The following CGGBP1 variants were observed in gnomAD, a reference collection of about 807,000 sequenced individuals.
CGGBP1 encodes CGG triplet repeat-binding protein 1.
CGGBP1 carries 4 observed loss-of-function variants against 11.4 expected under a neutral mutation model. That is an observed-to-expected ratio of 0.35 (90% CI 0.17 to 0.80). The LOEUF (loss-of-function observed/expected upper bound fraction) is 0.80, where lower values mean the gene tolerates loss of function less well. CGGBP1 is among the 30% of genes least tolerant of loss of function. CGGBP1 has a pLI of 0.52. For missense variants in CGGBP1, 135 were observed against 202.1 expected, an observed-to-expected ratio of 0.67 and a Z score of 2.01; for synonymous variants, 76 against 74.1, an observed-to-expected ratio of 1.03 and a Z score of -0.13.
chr3:88,057,684 G>GT (rs1706591319), intron 2 of CGGBP1: 1 of 152,114 alleles, frequency 6.6e-6, no homozygotes, highest in East Asian at 1.9e-4. Context: ...AAAAAGTCTT[G>GT]TATCTTTAAA....
chr3:88,059,632 C>T (rs1177691017), upstream of CGGBP1: 1 of 1,350,674 alleles, frequency 7.4e-7, no homozygotes, highest in Non-Finnish European at 9.6e-7. Flanking sequence ...GAGGGTGAGG[C>T]TGAAGCTCCC....
In CGGBP1 at chr3:88,118,891, G is replaced by A. The variant is rs563541876; in HGVS notation, c.-229+22079C>T. Among the ~76,000 whole-genome samples the A allele has an allele frequency of 1.3e-4, 20 of 151,562 alleles. 1 individual carries two copies. Among genetic ancestry groups the A allele is most frequent in the African/African-American group, 4.8e-4 (20 of 41,286 alleles). On this transcript the variant is annotated intron_variant, in intron 2 of 3. Transcript: ENST00000462901. The stretch of plus-strand genomic sequence containing the variant: ...ATTAAAAAGTCAGGAAACAACAGGT[G>A]CTGGAGAGGATGTGGAGAAATAGGA...
chr3:88,097,590 C>T (rs1430362241), intron 2 of CGGBP1, among the ~76,000 whole-genome samples: 3 of 152,184 alleles, frequency 2.0e-5, no homozygotes, highest in Non-Finnish European at 2.9e-5. Context: ...AAGTAAAACA[C>T]TCCTCAGCAA....
At chr3:88,141,682 A>G (rs1310948979) in intron 1 of CGGBP1, 12 of 1,485,638 alleles carry the variant, frequency 8.1e-6, no homozygotes, top group Non-Finnish European at 1.1e-5. Flanking sequence ...TCTGTCAATC[A>G]AGCAGTAGTG....
intron 2 of CGGBP1, among the ~76,000 whole-genome samples, chr3:88,096,446 A>G (rs1436600034): frequency 1.3e-5 from 2 of 152,086 alleles, no homozygotes; most frequent in African/African-American, 4.8e-5. Context: ...AAAGACCCTC[A>G]TTTCTCCTTC....
chr3:88,063,195 A>C (rs1484672751), upstream of CGGBP1, among the ~76,000 whole-genome samples: 1 of 152,214 alleles, frequency 6.6e-6, no homozygotes, highest in Admixed American at 6.5e-5. Context: ...TGCAGTGCAC[A>C]GGATGGCTCT....
At chr3:88,109,004 G>A (rs187120177) in intron 2 of CGGBP1, among the ~76,000 whole-genome samples, 2 of 152,066 alleles carry the variant, frequency 1.3e-5, no homozygotes, top group Admixed American at 6.6e-5. Flanking sequence ...TGGAAAAGGC[G>A]TTACATTTGT....
intron 2 of CGGBP1, among the ~76,000 whole-genome samples, chr3:88,130,617 ATTT>A (rs10674029): frequency 7.7e-6 from 1 of 129,204 alleles, no homozygotes. Context: ...TGCCCAGCTA[ATTT>A]TTTTTTTTTT....
intron 2 of CGGBP1, among the ~76,000 whole-genome samples, chr3:88,091,549 T>C (rs530253103): frequency 6.6e-6 from 1 of 152,308 alleles, no homozygotes; most frequent in African/African-American, 2.4e-5. Flanking sequence ...GTTTAAAATG[T>C]CATTTATTGA....
At chr3:88,139,415 A>G (rs1214126589) in intron 2 of CGGBP1, 4 of 1,613,764 alleles carry the variant, frequency 2.5e-6, no homozygotes, top group East Asian at 4.5e-5. Context: ...GGAAATTTAG[A>G]AACAGAGGAC....
intron 2 of CGGBP1, among the ~76,000 whole-genome samples, chr3:88,132,525 A>C (rs1338892173): frequency 3.3e-5 from 5 of 152,158 alleles, no homozygotes; most frequent in Admixed American, 2.6e-4. Flanking sequence ...TTCAGAATCC[A>C]CTGTACAACT....
chr3:88,079,471 A>T (rs1380773599), intron 2 of CGGBP1, among the ~76,000 whole-genome samples: 1 of 152,108 alleles, frequency 6.6e-6, no homozygotes, highest in Non-Finnish European at 1.5e-5. Context: ...TTCAAACTGG[A>T]ACTGATAGAT....
At chr3:88,101,728 T>A (rs1704437612) in intron 2 of CGGBP1, among the ~76,000 whole-genome samples, 1 of 152,174 alleles carries the variant, frequency 6.6e-6, no homozygotes, top group South Asian at 2.1e-4. Flanking sequence ...AGTTTATGTT[T>A]AGCGTTTTGT....
At chr3:88,140,010 G>A in intron 2 of CGGBP1, 5 of 1,613,820 alleles carry the variant, frequency 3.1e-6, no homozygotes, top group Non-Finnish European at 4.2e-6. Flanking sequence ...GCGACAAACA[G>A]TAATGAAGTG....
Position 88,064,327 on chromosome 3 carries a change from T to C in CGGBP1, c.-228-6104A>G, listed in dbSNP as rs191535445. ...AGGGACTATCTTACTGTCTCACTAT[T>C]GATCTCACTATTGAGCATGTTCACT... On this transcript the variant is annotated intron_variant, in intron 2 of 3. Transcript: ENST00000462901. 2.8e-3 allele frequency among the ~76,000 whole-genome samples: 429 copies of C among 151,650 alleles called. 8 individuals are homozygous for C. The highest frequency in any genetic ancestry group is 0.026 in the Admixed American group (390 of 15,216).
At chr3:88,066,653 T>C (rs1377351486) in intron 2 of CGGBP1, among the ~76,000 whole-genome samples, 4 of 152,292 alleles carry the variant, frequency 2.6e-5, no homozygotes, top group South Asian at 2.1e-4. Flanking sequence ...AATGGAGTCA[T>C]TGCTTTTAAG....
chr3:88,094,023 T>C (rs1191189933), intron 2 of CGGBP1, among the ~76,000 whole-genome samples: 5 of 152,152 alleles, frequency 3.3e-5, no homozygotes, highest in East Asian at 3.8e-4. Flanking sequence ...ATTTGTGACA[T>C]GTGAACTTAG....
At chr3:88,069,034 T>C (rs1707355935) in intron 2 of CGGBP1, among the ~76,000 whole-genome samples, 1 of 152,116 alleles carries the variant, frequency 6.6e-6, no homozygotes, top group African/African-American at 2.4e-5. Context: ...ATGGACACTG[T>C]TAAAAAGACT....
chr3:88,109,509 A>G (rs1257627896), intron 2 of CGGBP1, among the ~76,000 whole-genome samples: 2 of 152,196 alleles, frequency 1.3e-5, no homozygotes, highest in Non-Finnish European at 2.9e-5. Context: ...TAAGTATCAT[A>G]TTTAGTGGAA....
Sources: allele counts gnomAD v4.1 joint callset (sites outside exome capture counted in the v4.1 genomes callset), GRCh38; gene constraint gnomAD v4.1.1; transcripts MANE v1.5; gene names NCBI Gene and HGNC (gene_info 2026-07-23, HGNC 2026-07-21).